Variants in MAST4 observed in about 807,000 individuals in gnomAD.
MAST4 encodes the protein microtubule-associated serine/threonine-protein kinase 4.
In MAST4, 89 loss-of-function variants were observed where a neutral mutation model predicts 162.7. That is an observed-to-expected ratio of 0.55 (90% CI 0.46 to 0.65). The LOEUF is 0.65. MAST4 is among the 30% of genes least tolerant of loss of function. The pLI is 0.00. For synonymous variants in MAST4, 1,479 were observed against 1,361.1 expected, an observed-to-expected ratio of 1.09 and a Z score of -1.91; for missense variants, 3,153 against 3,374.0, an observed-to-expected ratio of 0.93 and a Z score of 1.62.
chr5:66,736,225 C>T (rs1023452637), intron 1 of MAST4, among the ~76,000 whole-genome samples: 12 of 152,100 alleles, frequency 7.9e-5, no homozygotes, highest in African/African-American at 2.7e-4. Context: ...GGTGGTCTCC[C>T]TGCTACCACT....
intron 4 of MAST4, among the ~76,000 whole-genome samples, chr5:66,921,200 A>G (rs1764509408): frequency 1.3e-5 from 2 of 152,192 alleles, no homozygotes; most frequent in African/African-American, 4.8e-5. Context: ...AACTAAGGTT[A>G]TGTTAGAGCC....
intron 3 of MAST4, among the ~76,000 whole-genome samples, chr5:66,845,085 TTA>T (rs752796951): frequency 0.31 from 17,643 of 57,278 alleles, 2,818 homozygotes; most frequent in Non-Finnish European, 0.39. Flanking sequence ...TCACTAATCT[TTA>T]TATATATATA....
chr5:66,614,298 T>C (rs1743498174), intron 1 of MAST4, among the ~76,000 whole-genome samples: 1 of 152,342 alleles, frequency 6.6e-6, no homozygotes. Flanking sequence ...ATTTTTATTA[T>C]AACCACAGTG....
chr5:67,160,641 G>A, intron 27 of MAST4, 49 bp downstream of exon 27: 3 of 1,563,900 alleles, frequency 1.9e-6, no homozygotes, highest in Non-Finnish European at 2.6e-6. Context: ...CCTATGTTGG[G>A]GAAAAGTTAC....
At chr5:66,720,678 T>C (rs981214361) in intron 1 of MAST4, among the ~76,000 whole-genome samples, 3 of 152,196 alleles carry the variant, frequency 2.0e-5, no homozygotes, top group African/African-American at 7.2e-5. Flanking sequence ...GTTTATATTC[T>C]AATCCTTTAA....
Position 67,121,024 on chromosome 5 carries a change from A to G in MAST4, c.1667A>G (p.Asn556Ser). 3 of 1,609,566 alleles carry G rather than the reference A, an allele frequency of 1.9e-6. No homozygotes were observed. The South Asian group carries it at 3.3e-5, about 18-fold the overall frequency. ...CCATATTTTGTTTCCAAGAGCTCTA[A>G]TGCCTCCCTGAAACTTCGAAGGAAA... ...PETDESVSSS[N>S]ASLKLRRKPR... Residue 556 changes from asparagine (N) to serine (S), a missense_variant, in exon 14 of 29, where the codon AAT (asparagine) becomes AGT (serine). By Grantham distance (46) the Asn-to-Ser change is conservative. Coordinates refer to ENST00000403625, the MANE Select transcript of MAST4 (RefSeq NM_001164664.2).
At chr5:67,134,771 C>T (rs1336210778) in intron 18 of MAST4, 83 bp downstream of exon 18, 1 of 1,143,700 alleles carries the variant, frequency 8.7e-7, no homozygotes, top group Non-Finnish European at 1.2e-6. Context: ...ACAGTTTTTA[C>T]TACTAAAATG....
intron 4 of MAST4, among the ~76,000 whole-genome samples, chr5:67,043,833 C>T (rs528169811): frequency 1.3e-5 from 2 of 152,218 alleles, no homozygotes; most frequent in East Asian, 3.9e-4. Context: ...TCTTAATTCC[C>T]CAGTATGTCT....
chr5:66,640,585 G>A (rs1745430241), intron 1 of MAST4, among the ~76,000 whole-genome samples: 2 of 152,188 alleles, frequency 1.3e-5, no homozygotes, highest in African/African-American at 4.8e-5. Flanking sequence ...GGGATTACAG[G>A]CGTGAGCCAC....
intron 4 of MAST4, among the ~76,000 whole-genome samples, chr5:67,002,534 A>G (rs1019043624): frequency 6.6e-6 from 1 of 152,060 alleles, no homozygotes; most frequent in African/African-American, 2.4e-5. Context: ...CTGGTTGAAG[A>G]CTCTAGAGAG....
intron 3 of MAST4, among the ~76,000 whole-genome samples, chr5:66,797,925 G>A (rs1256324524): frequency 2.0e-5 from 3 of 152,156 alleles, no homozygotes; most frequent in African/African-American, 7.2e-5. Flanking sequence ...AAAACTCAGA[G>A]GCTCATGTGT....
chr5:66,695,315 G>T (rs1336626588), intron 1 of MAST4, among the ~76,000 whole-genome samples: 1 of 152,068 alleles, frequency 6.6e-6, no homozygotes, highest in Admixed American at 6.6e-5. Context: ...GCCGAAGATC[G>T]GATGGTTGTA....
At chr5:66,652,551 A>C (rs995411732) in intron 1 of MAST4, among the ~76,000 whole-genome samples, 1 of 152,214 alleles carries the variant, frequency 6.6e-6, no homozygotes, top group African/African-American at 2.4e-5. Flanking sequence ...TTCATTTCTG[A>C]AAAAGATGTA....
chr5:66,969,364 G>A lies in MAST4; in HGVS notation c.674+69382G>A, dbSNP rs149044628. Among the ~76,000 whole-genome samples, 14 of 152,284 alleles carry A rather than the reference G, an allele frequency of 9.2e-5. No homozygotes were observed. The East Asian group carries it at 2.3e-3, about 25-fold the overall frequency. On this transcript the variant is annotated intron_variant, in intron 4 of 28. Coordinates refer to ENST00000403625, the MANE Select transcript of MAST4 (RefSeq NM_001164664.2). ...AGACCTCACCACATGTAAGCTTTGT[G>A]ACCCTGGGCAAGTGTTAAACTTCTT...
intron 3 of MAST4, among the ~76,000 whole-genome samples, chr5:66,821,702 T>C (rs570861151): frequency 2.6e-5 from 4 of 152,296 alleles, no homozygotes; most frequent in African/African-American, 9.6e-5. Context: ...GTTTTAGGCA[T>C]GTGAGGCTCA....
chr5:66,831,902 G>A lies in MAST4; in HGVS notation c.642+43108G>A, dbSNP rs936024048. Reference sequence around the variant, plus strand: ...TTCTAGACAGGTCTAATTCATCAAGGGATAACTGGTTCCTTTTGGGCCTAA... The same window carrying A: ...TTCTAGACAGGTCTAATTCATCAAGAGATAACTGGTTCCTTTTGGGCCTAA... On this transcript the variant is annotated intron_variant, in intron 3 of 28. Transcript: ENST00000403625. Among the ~76,000 whole-genome samples the A allele has an allele frequency of 2.8e-4, 42 of 152,090 alleles. 1 individual carries two copies. Among genetic ancestry groups the A allele is most frequent in the Non-Finnish European group, 8.8e-5 (6 of 68,032 alleles).
chr5:66,624,465 T>C (rs1744293023), intron 1 of MAST4, among the ~76,000 whole-genome samples: 1 of 152,132 alleles, frequency 6.6e-6, no homozygotes, highest in African/African-American at 2.4e-5. Context: ...TTTAAATGTT[T>C]ATACTATGCC....
rs576927059 is a variant in MAST4 at position 66,753,581 on chromosome 5, C to G, written c.364-6128C>G. Among the ~76,000 whole-genome samples, 13 of 151,858 alleles carry G rather than the reference C, an allele frequency of 8.6e-5. 1 individual carries two copies. The highest frequency in any genetic ancestry group is 2.7e-4 in the African/African-American group (11 of 41,346). On this transcript the variant is annotated intron_variant, in intron 1 of 28. Coordinates refer to ENST00000403625, the MANE Select transcript of MAST4 (RefSeq NM_001164664.2). ...ATGGATAAATTCCTCAATGCATACACCCTCCTAAGACTAAACCAGGAAGAA... is the reference window on the plus strand; with the variant it reads ...ATGGATAAATTCCTCAATGCATACAGCCTCCTAAGACTAAACCAGGAAGAA...
At chr5:66,650,794 A>G (rs544319419) in intron 1 of MAST4, among the ~76,000 whole-genome samples, 1 of 152,366 alleles carries the variant, frequency 6.6e-6, no homozygotes, top group East Asian at 1.9e-4. Context: ...CCACTTTAAT[A>G]CATCAGTATT....
Sources: gnomAD v4.1 joint callset for allele counts (sites outside exome capture counted in the v4.1 genomes callset) on GRCh38, gnomAD v4.1.1 for gene constraint, MANE v1.5 for transcripts, NCBI Gene and HGNC (gene_info 2026-07-23, HGNC 2026-07-21) for gene names.